CDH23: variants seen among roughly 807,000 people sequenced by gnomAD.
CDH23 encodes cadherin related 23.
A neutral mutation model predicts 317.1 loss-of-function variants in CDH23; 189 were observed. The observed-to-expected ratio is 0.60, with a 90% CI of 0.53 to 0.67. CDH23 has a LOEUF of 0.67. Ranked by LOEUF, CDH23 falls within the 30% of genes least tolerant of loss-of-function variation. The probability of loss-of-function intolerance (pLI) is 0.00; values close to 1 mark genes in which losing one functional copy is unlikely to be tolerated. For missense variants in CDH23, 4,401 were observed against 4,592.4 expected (o/e 0.96, Z 1.20); for synonymous variants, 1,839 against 1,876.8 (o/e 0.98, Z 0.52).
chr10:71,532,873 G>T (rs977160824), intron 6 of CDH23, among the ~76,000 whole-genome samples: 1 of 151,928 alleles, frequency 6.6e-6, no homozygotes, highest in Non-Finnish European at 1.5e-5. Flanking sequence ...GGGATTACAG[G>T]CATCCACCAC....
intron 40 of CDH23, among the ~76,000 whole-genome samples, chr10:71,779,056 A>G (rs1840886267): frequency 6.6e-6 from 1 of 152,222 alleles, no homozygotes; most frequent in South Asian, 2.1e-4. Flanking sequence ...TTTTATTAAT[A>G]TGATGATTGT....
intron 41 of CDH23, among the ~76,000 whole-genome samples, chr10:71,780,369 G>T (rs967631314): frequency 2.6e-5 from 4 of 152,214 alleles, no homozygotes; most frequent in Non-Finnish European, 5.9e-5. Context: ...ATAAAACCAA[G>T]CCGGAGGATG....
intron 14 of CDH23, among the ~76,000 whole-genome samples, chr10:71,674,182 G>A (rs970514574): frequency 2.6e-5 from 4 of 152,036 alleles, no homozygotes; most frequent in African/African-American, 9.7e-5. Context: ...TCATTCATTT[G>A]GGATAGAAAT....
chr10:71,671,513 G>C (rs1306900979), intron 14 of CDH23, among the ~76,000 whole-genome samples: 2 of 152,204 alleles, frequency 1.3e-5, no homozygotes, highest in Non-Finnish European at 2.9e-5. Context: ...AAGGGTCACT[G>C]TCTGTCTGCC....
chr10:71,799,695 C>G (rs1008130899), intron 52 of CDH23, 66 bp downstream of exon 52: 2 of 1,606,280 alleles, frequency 1.2e-6, no homozygotes, highest in Non-Finnish European at 1.7e-6. Context: ...ACTGAGCAGC[C>G]ACCAAAAGTA....
chr10:71,522,967 A>G (rs1350486001), intron 6 of CDH23, among the ~76,000 whole-genome samples: 2 of 152,188 alleles, frequency 1.3e-5, no homozygotes, highest in Non-Finnish European at 2.9e-5. Context: ...GTCCAAGGTC[A>G]CACAGCTTGT....
intron 11 of CDH23, among the ~76,000 whole-genome samples, chr10:71,642,393 CT>C (rs781291264): frequency 0.13 from 10,833 of 84,480 alleles, 281 homozygotes; most frequent in East Asian, 0.26. Flanking sequence ...GGCCCGGCCT[CT>C]TTTTTTTTTT....
intron 38 of CDH23, among the ~76,000 whole-genome samples, chr10:71,753,355 G>A (rs1422821059): frequency 6.6e-6 from 1 of 152,260 alleles, no homozygotes; most frequent in Admixed American, 6.5e-5. Context: ...TAAGTATCGA[G>A]CAAAGGTCAA....
At chr10:71,474,946 G>A (rs1264280123) in intron 3 of CDH23, among the ~76,000 whole-genome samples, 2 of 152,254 alleles carry the variant, frequency 1.3e-5, no homozygotes, top group East Asian at 3.8e-4. Flanking sequence ...CTTGGTCAAT[G>A]TCTAAGACTG....
At chr10:71,681,869 C>A (rs1864667800) in intron 17 of CDH23, among the ~76,000 whole-genome samples, 1 of 152,204 alleles carries the variant, frequency 6.6e-6, no homozygotes, top group Non-Finnish European at 1.5e-5. Context: ...GCCTTCTGCA[C>A]CCCACTGCCT....
chr10:71,651,507 G>A (rs150804830), intron 14 of CDH23, among the ~76,000 whole-genome samples: 45 of 150,628 alleles, frequency 3.0e-4, no homozygotes, highest in South Asian at 8.5e-4. Context: ...CCAGTGAGCC[G>A]TGAGCCACTG....
chr10:71,664,568 G>A (rs897507870), intron 14 of CDH23, among the ~76,000 whole-genome samples: 11 of 152,216 alleles, frequency 7.2e-5, no homozygotes, highest in Non-Finnish European at 2.9e-5. Flanking sequence ...CATGTTTGCA[G>A]AGGGCTGGAC....
chr10:71,468,780 A>G (rs1851372761), intron 3 of CDH23, among the ~76,000 whole-genome samples: 1 of 152,202 alleles, frequency 6.6e-6, no homozygotes, highest in Admixed American at 6.5e-5. Flanking sequence ...GCTCCCCTGC[A>G]TAGTCCCTGT....
chr10:71,636,031 G>C (rs1007427319), intron 11 of CDH23, among the ~76,000 whole-genome samples: 1 of 152,096 alleles, frequency 6.6e-6, no homozygotes, highest in African/African-American at 2.4e-5. Context: ...TGCCCTCCTT[G>C]CGGGTTAGTA....
chr10:71,771,677 C>G (rs1276519267), intron 38 of CDH23, among the ~76,000 whole-genome samples: 1 of 152,210 alleles, frequency 6.6e-6, no homozygotes, highest in East Asian at 1.9e-4. Context: ...TCTCCCTGTG[C>G]TGGGCCCAGG....
intron 9 of CDH23, among the ~76,000 whole-genome samples, chr10:71,593,333 G>A: frequency 6.6e-6 from 1 of 152,194 alleles, no homozygotes; most frequent in Non-Finnish European, 1.5e-5. Context: ...GTAGACTCCA[G>A]ATGGATTCAA....
chr10:71,746,622 G>T (rs761905392), intron 38 of CDH23, among the ~76,000 whole-genome samples: 1 of 152,212 alleles, frequency 6.6e-6, no homozygotes, highest in Non-Finnish European at 1.5e-5. Flanking sequence ...GAAGAGCTGG[G>T]CCCAGGGAGG....
At chr10:71,420,424 GATGATGATGATGATGGTCATT>G (rs1848709112) in intron 1 of CDH23, among the ~76,000 whole-genome samples, 2 of 134,864 alleles carry the variant, frequency 1.5e-5, no homozygotes, top group Admixed American at 7.7e-5. Context: ...TGGTGATGGT[GATGATGATGATGATGGTCATT>G]ATGATGGTGA....
chr10:71,704,388 G>GT (rs1310693664), intron 24 of CDH23, among the ~76,000 whole-genome samples: 2 of 152,196 alleles, frequency 1.3e-5, no homozygotes, highest in South Asian at 2.1e-4. Flanking sequence ...GCCACAAACA[G>GT]TTTTTTAAAA....
Sources: allele counts gnomAD v4.1 joint callset (sites outside exome capture counted in the v4.1 genomes callset), GRCh38; gene constraint gnomAD v4.1.1; transcripts MANE v1.5; gene names NCBI Gene and HGNC (gene_info 2026-07-23, HGNC 2026-07-21).